Variants in JMJD1C observed in about 807,000 individuals in gnomAD.
JMJD1C encodes the protein jumonji domain containing 1C.
A neutral mutation model predicts 245.3 loss-of-function variants in JMJD1C; 31 were observed. That is an observed-to-expected ratio of 0.13 (90% CI 0.09 to 0.17). JMJD1C has a LOEUF of 0.17. JMJD1C is among the 10% of genes least tolerant of loss of function. The pLI, the probability that JMJD1C is intolerant of heterozygous loss-of-function variation, is 1.00. For synonymous variants in JMJD1C, 1,057 were observed against 1,017.4 expected, an observed-to-expected ratio of 1.04 and a Z score of -0.74; for missense variants, 2,691 against 3,000.2, an observed-to-expected ratio of 0.90 and a Z score of 2.41.
chr10:63,448,734 G>A (rs1951855653), intron 1 of JMJD1C, among the ~76,000 whole-genome samples: 1 of 152,146 alleles, frequency 6.6e-6, no homozygotes, highest in South Asian at 2.1e-4. Context: ...AGAATTAAAA[G>A]AACTCTATAA....
At chr10:63,314,124 A>C (rs901040088) in intron 2 of JMJD1C, among the ~76,000 whole-genome samples, 2 of 152,182 alleles carry the variant, frequency 1.3e-5, no homozygotes, top group Admixed American at 6.5e-5. Context: ...ATCCAGTTTC[A>C]TTCTTCTACA....
chr10:63,217,089 C>G, intron 5 of JMJD1C, 118 bp downstream of exon 5: 1 of 899,906 alleles, frequency 1.1e-6, no homozygotes. Flanking sequence ...ACTAGAATTA[C>G]ACGACTAAAA....
intron 1 of JMJD1C, among the ~76,000 whole-genome samples, chr10:63,397,955 T>C (rs1377618217): frequency 6.6e-6 from 1 of 152,262 alleles, no homozygotes; most frequent in East Asian, 1.9e-4. Context: ...ATCAAAATGC[T>C]ATTTTGAAAA....
chr10:63,425,829 C>T (rs1950407214), intron 1 of JMJD1C, among the ~76,000 whole-genome samples: 2 of 152,104 alleles, frequency 1.3e-5, no homozygotes, highest in Admixed American at 6.6e-5. Flanking sequence ...TTTTATATGA[C>T]CGAATACTCT....
intron 2 of JMJD1C, among the ~76,000 whole-genome samples, chr10:63,333,468 G>T (rs1933866278): frequency 6.6e-6 from 1 of 152,044 alleles, no homozygotes; most frequent in African/African-American, 2.4e-5. Context: ...TGAAGGGCTT[G>T]GCCTACGAGG....
At chr10:63,239,511 C>A (rs946839481) in intron 3 of JMJD1C, among the ~76,000 whole-genome samples, 2 of 152,154 alleles carry the variant, frequency 1.3e-5, no homozygotes, top group Non-Finnish European at 2.9e-5. Context: ...GTGGCACAAT[C>A]TTGGCTCACT....
intron 19 of JMJD1C, 151 bp downstream of exon 19, chr10:63,186,064 G>A: frequency 1.6e-6 from 1 of 640,874 alleles, no homozygotes; most frequent in Non-Finnish European, 2.7e-6. Flanking sequence ...TAGGGATTAG[G>A]ACCCAGTATT....
At chr10:63,363,881 A>T (rs1319908237) in intron 2 of JMJD1C, among the ~76,000 whole-genome samples, 3 of 143,224 alleles carry the variant, frequency 2.1e-5, no homozygotes, top group African/African-American at 7.9e-5. Flanking sequence ...TTTGAGACAG[A>T]GTCTCACTCT....
intron 1 of JMJD1C, among the ~76,000 whole-genome samples, chr10:63,517,836 A>C (rs1955070628): frequency 7.1e-6 from 1 of 141,316 alleles, no homozygotes; most frequent in Non-Finnish European, 1.5e-5. Flanking sequence ...TCTGTCACCC[A>C]AGCTGGAGTG....
At chr10:63,383,358 G>C (rs1243645062) in intron 1 of JMJD1C, among the ~76,000 whole-genome samples, 1 of 152,134 alleles carries the variant, frequency 6.6e-6, no homozygotes, top group Non-Finnish European at 1.5e-5. Context: ...CCAAGTCAAG[G>C]AAGAAATCCA....
At chr10:63,247,004 C>T (rs1021726485) in intron 3 of JMJD1C, among the ~76,000 whole-genome samples, 2 of 150,076 alleles carry the variant, frequency 1.3e-5, no homozygotes, top group South Asian at 2.1e-4. Context: ...AAATATACAA[C>T]GCAACAATGC....
intron 1 of JMJD1C, among the ~76,000 whole-genome samples, chr10:63,401,052 T>C (rs1460473597): frequency 6.6e-6 from 1 of 152,144 alleles, no homozygotes; most frequent in Non-Finnish European, 1.5e-5. Flanking sequence ...AGAGACGAAG[T>C]TTCGCCATGT....
chr10:63,321,639 G>T (rs1940877174), intron 2 of JMJD1C, among the ~76,000 whole-genome samples: 2 of 152,174 alleles, frequency 1.3e-5, no homozygotes, highest in Non-Finnish European at 2.9e-5. Context: ...AACTGTCTGG[G>T]TAAGAGGTAG....
At chr10:63,495,741 A>C (rs1954342395) in intron 1 of JMJD1C, among the ~76,000 whole-genome samples, 1 of 141,526 alleles carries the variant, frequency 7.1e-6, no homozygotes. Context: ...CTCAAAAAAA[A>C]CAACTCCTAA....
At chr10:63,254,015 T>C (rs1853487332) in intron 3 of JMJD1C, among the ~76,000 whole-genome samples, 1 of 152,208 alleles carries the variant, frequency 6.6e-6, no homozygotes, top group Non-Finnish European at 1.5e-5. Flanking sequence ...CCAGATTATT[T>C]AATGACTAAG....
chr10:63,444,621 ATCT>A (rs1301243839), intron 1 of JMJD1C, among the ~76,000 whole-genome samples: 2 of 141,786 alleles, frequency 1.4e-5, no homozygotes, highest in Non-Finnish European at 3.1e-5. Context: ...AATACCTACT[ATCT>A]TTTTTTTTTT....
At chr10:63,355,498 C>T (rs1425148038) in intron 2 of JMJD1C, among the ~76,000 whole-genome samples, 1 of 152,116 alleles carries the variant, frequency 6.6e-6, no homozygotes, top group East Asian at 1.9e-4. Flanking sequence ...TCCCTATTGC[C>T]TTCATTTATA....
At chr10:63,321,966 A>C (rs1940925483) in intron 2 of JMJD1C, among the ~76,000 whole-genome samples, 1 of 152,168 alleles carries the variant, frequency 6.6e-6, no homozygotes, top group Admixed American at 6.5e-5. Flanking sequence ...TAACTGCTGA[A>C]GCTGACCTTG....
At position 63,264,674 on chromosome 10, in the gene JMJD1C, C is replaced by T; in HGVS notation, c.424G>A (p.Asp142Asn). ...ACCTGGTAGGGCTGAAAGGCACTAT[C>T]TTCAGTTAAAAAATCCAGTTGCTTA... is the stretch of plus-strand genomic sequence containing the variant. ...VDKQLDFLTE[D>N]SAFQPYQDDI... The change falls in exon 3 of 26, where the codon GAT becomes AAT. Residue 142 changes from aspartate to asparagine, a missense_variant. This residue lies in a region of JMJD1C where 172 missense variants were observed against 240.8 expected (regional missense o/e 0.71). Coordinates refer to ENST00000399262, the MANE Select transcript of JMJD1C (RefSeq NM_032776.3). 1 of 1,562,614 alleles carries T rather than the reference C, an allele frequency of 6.4e-7. No individual in the cohort carries two copies.
Sources: allele counts gnomAD v4.1 joint callset (sites outside exome capture counted in the v4.1 genomes callset), GRCh38; gene constraint gnomAD v4.1.1; regional missense constraint gnomAD v4.1.1; transcripts MANE v1.5; gene names NCBI Gene and HGNC (gene_info 2026-07-23, HGNC 2026-07-21).